The following ANAPC10 variants were observed in gnomAD, a reference collection of about 807,000 sequenced individuals.
ANAPC10 encodes the protein anaphase promoting complex subunit 10.
Under a neutral mutation model 22.0 loss-of-function variants are expected in ANAPC10, and 12 were observed. That is an observed-to-expected ratio of 0.55 (90% CI 0.35 to 0.88). The LOEUF is 0.88. Ranked by LOEUF, ANAPC10 falls within the 40% of genes least tolerant of loss-of-function variation. The pLI is 0.01. For synonymous variants in ANAPC10, 65 were observed against 69.5 expected, an observed-to-expected ratio of 0.94 and a Z score of 0.32; for missense variants, 188 against 220.9, an observed-to-expected ratio of 0.85 and a Z score of 0.94.
At chr4:145,024,683 T>G (rs1736408631) in intron 4 of ANAPC10, among the ~76,000 whole-genome samples, 1 of 152,190 alleles carries the variant, frequency 6.6e-6, no homozygotes, top group Non-Finnish European at 1.5e-5. Flanking sequence ...GCTTTGTTCT[T>G]CCATTTATAG....
chr4:144,995,288 C>A lies in ANAPC10; in HGVS notation c.*85G>T. ...TATACAAAATTAGATATAACGGATG[C>A]CTTGTTCAATAAAGGTACATGATAT... On this transcript the variant is annotated 3_prime_UTR_variant, in exon 5 of 5. Coordinates refer to ENST00000507656, the MANE Select transcript of ANAPC10 (RefSeq NM_001256706.2). The A allele has an allele frequency of 2.6e-6, 2 of 765,592 alleles. No homozygotes were observed. Among genetic ancestry groups the A allele is most frequent in the Non-Finnish European group, 2.0e-6 (1 of 492,848 alleles). 47.4% of individuals were successfully genotyped at this position (765,592 alleles called of 1,614,324 possible).
At chr4:145,023,680 T>C (rs942652536) in intron 4 of ANAPC10, among the ~76,000 whole-genome samples, 2 of 152,200 alleles carry the variant, frequency 1.3e-5, no homozygotes, top group Non-Finnish European at 2.9e-5. Context: ...AAGAATGTTT[T>C]ACTGCTAAAA....
At chr4:145,017,055 G>A (rs1735279733) in intron 4 of ANAPC10, among the ~76,000 whole-genome samples, 2 of 152,112 alleles carry the variant, frequency 1.3e-5, no homozygotes, top group Non-Finnish European at 2.9e-5. Context: ...CAGGACATAG[G>A]CATGGGCAAG....
intron 4 of ANAPC10, among the ~76,000 whole-genome samples, chr4:145,024,484 G>A (rs1019453212): frequency 6.6e-6 from 1 of 152,186 alleles, no homozygotes; most frequent in African/African-American, 2.4e-5. Context: ...CTGCAGAACA[G>A]ATGTTGTATC....
At chr4:145,021,707 G>A (rs1260688466) in intron 4 of ANAPC10, among the ~76,000 whole-genome samples, 1 of 152,064 alleles carries the variant, frequency 6.6e-6, no homozygotes, top group Non-Finnish European at 1.5e-5. Flanking sequence ...GCTTTTGCAT[G>A]GCAAAAGGAA....
chr4:145,030,044 A>G (rs949637075), intron 4 of ANAPC10, among the ~76,000 whole-genome samples: 8 of 152,228 alleles, frequency 5.3e-5, no homozygotes, highest in Admixed American at 5.2e-4. Context: ...CAAGGTAGGC[A>G]TAGCTACTGT....
chr4:145,010,181 T>C (rs189780514), intron 4 of ANAPC10, among the ~76,000 whole-genome samples: 233 of 152,268 alleles, frequency 1.5e-3, no homozygotes, highest in African/African-American at 5.4e-3. Context: ...CCCCAGGTGC[T>C]GGAGGGGATG....
At chr4:145,027,532 C>A (rs1012592765) in intron 4 of ANAPC10, among the ~76,000 whole-genome samples, 1 of 151,976 alleles carries the variant, frequency 6.6e-6, no homozygotes, top group Non-Finnish European at 1.5e-5. Flanking sequence ...GAGCACCCTG[C>A]ACAATAAAGG....
chr4:145,041,093 C>T (rs746723322), intron 4 of ANAPC10, among the ~76,000 whole-genome samples: 17 of 152,246 alleles, frequency 1.1e-4, no homozygotes, highest in Middle Eastern at 3.4e-3. Flanking sequence ...TCTATGACTT[C>T]TAGTGGTCCC....
chr4:145,013,114 T>A (rs1232431121), intron 4 of ANAPC10, among the ~76,000 whole-genome samples: 1 of 152,200 alleles, frequency 6.6e-6, no homozygotes, highest in African/African-American at 2.4e-5. Context: ...CCTGTGGAAC[T>A]GTGAGCCAAT....
At chr4:145,026,090 C>T (rs1736615180) in intron 4 of ANAPC10, among the ~76,000 whole-genome samples, 2 of 152,162 alleles carry the variant, frequency 1.3e-5, no homozygotes, top group African/African-American at 4.8e-5. Context: ...AGAACACTGA[C>T]TCCTAGGCAG....
intron 2 of ANAPC10, among the ~76,000 whole-genome samples, chr4:145,087,382 G>A (rs1412236502): frequency 1.3e-5 from 2 of 151,806 alleles, no homozygotes; most frequent in African/African-American, 4.8e-5. Flanking sequence ...TTTGAGACAG[G>A]GTCTCATTCT....
chr4:144,997,715 A>C (rs893477035), intron 4 of ANAPC10, among the ~76,000 whole-genome samples: 2 of 152,210 alleles, frequency 1.3e-5, no homozygotes, highest in African/African-American at 4.8e-5. Flanking sequence ...GACAGGAACA[A>C]ATTCACACAT....
intron 4 of ANAPC10, among the ~76,000 whole-genome samples, chr4:145,021,574 A>G (rs1735963249): frequency 6.6e-6 from 1 of 152,184 alleles, no homozygotes; most frequent in African/African-American, 2.4e-5. Flanking sequence ...TAAAAATTCT[A>G]GAAGATTAAC....
chr4:145,022,570 T>C lies in ANAPC10; in HGVS notation c.328-26967A>G, dbSNP rs370482464. On this transcript the variant is annotated intron_variant, in intron 4 of 4. Coordinates refer to ENST00000507656, the MANE Select transcript of ANAPC10 (RefSeq NM_001256706.2). The stretch of plus-strand genomic sequence containing the variant: ...AACAGGGTGGTGCAATGTATACTGC[T>C]TGGGTGATGGGTGCACCCAAATCAC... 2.0e-5 allele frequency among the ~76,000 whole-genome samples: 3 copies of C among 152,056 alleles called. No individual in the cohort carries two copies. In the East Asian group the frequency reaches 5.8e-4, roughly 29 times the overall value.
chr4:145,041,645 T>G (rs1425455293), intron 4 of ANAPC10, among the ~76,000 whole-genome samples: 4 of 152,220 alleles, frequency 2.6e-5, no homozygotes, highest in African/African-American at 7.2e-5. Context: ...TGACAATCTC[T>G]TCCATATTCT....
intron 4 of ANAPC10, among the ~76,000 whole-genome samples, chr4:145,008,033 T>C (rs1733696689): frequency 6.6e-6 from 1 of 152,102 alleles, no homozygotes. Context: ...AAGTACAAAC[T>C]ACCATCAGAG....
Position 145,096,048 on chromosome 4 carries a change from T to G in ANAPC10, c.52A>C (p.Arg18=). Residue 18 remains arginine (R), a synonymous_variant, in exon 2 of 5, where the codon AGG becomes CGG. Coordinates refer to ENST00000507656, the MANE Select transcript of ANAPC10 (RefSeq NM_001256706.2). ...PPGADPKQLE[R]TGTVREIGSQ... ...CCAATTTCCCGTACTGTTCCAGTCC[T>G]TTCCAACTGCTTGGGGTCAGCACCA... 1 of 1,614,184 alleles carries G rather than the reference T, an allele frequency of 6.2e-7. No individual in the cohort carries two copies. The highest frequency in any genetic ancestry group is 1.1e-5 in the South Asian group (1 of 91,090).
chr4:145,055,810 CAAA>C, intron 4 of ANAPC10, among the ~76,000 whole-genome samples: 1 of 152,138 alleles, frequency 6.6e-6, no homozygotes, highest in African/African-American at 2.4e-5. Flanking sequence ...TTTTGAAAGA[CAAA>C]AAAGTTCTGG....
Sources: gnomAD v4.1 joint callset for allele counts (sites outside exome capture counted in the v4.1 genomes callset) on GRCh38, gnomAD v4.1.1 for gene constraint, MANE v1.5 for transcripts, NCBI Gene and HGNC (gene_info 2026-07-23, HGNC 2026-07-21) for gene names.